GRB10: variants seen among roughly 807,000 people sequenced by gnomAD.
The protein encoded by GRB10 is growth factor receptor bound protein 10.
In GRB10, 20 loss-of-function variants were observed where a neutral mutation model predicts 80.9. The observed-to-expected ratio is 0.25, with a 90% CI of 0.17 to 0.36. GRB10 has a LOEUF of 0.36. Among genes scored for constraint, GRB10 ranks in the 10% least tolerant of loss-of-function variants. The pLI, the probability that GRB10 is intolerant of heterozygous loss-of-function variation, is 1.00. For missense variants in GRB10, 548 were observed against 747.7 expected (o/e 0.73, Z 3.12); for synonymous variants, 291 against 291.5 (o/e 1.00, Z 0.02).
At chr7:50,627,650 G>A (rs904913227) in intron 7 of GRB10, among the ~76,000 whole-genome samples, 4 of 152,224 alleles carry the variant, frequency 2.6e-5, no homozygotes, top group African/African-American at 9.6e-5. Context: ...AGCAGCTCCA[G>A]GCCAAGGGAT....
chr7:50,660,271 G>A (rs1259830873), intron 7 of GRB10, among the ~76,000 whole-genome samples: 1 of 152,162 alleles, frequency 6.6e-6, no homozygotes, highest in Non-Finnish European at 1.5e-5. Context: ...GGAAGTGGGG[G>A]TGCAGCCATC....
intron 2 of GRB10, among the ~76,000 whole-genome samples, chr7:50,758,314 A>G (rs1415900478): frequency 6.6e-6 from 1 of 152,226 alleles, no homozygotes; most frequent in Non-Finnish European, 1.5e-5. Context: ...GGGCTCACTC[A>G]GCTATTTCCC....
At chr7:50,723,322 G>C (rs2068053569) in intron 4 of GRB10, among the ~76,000 whole-genome samples, 1 of 152,076 alleles carries the variant, frequency 6.6e-6, no homozygotes, top group Admixed American at 6.5e-5. Flanking sequence ...CTATTACTTG[G>C]GTACATCCTT....
At chr7:50,701,259 T>C (rs2064171244) in intron 5 of GRB10, among the ~76,000 whole-genome samples, 1 of 152,196 alleles carries the variant, frequency 6.6e-6, no homozygotes, top group Admixed American at 6.5e-5. Context: ...ATGTGCCCTG[T>C]TTCCCTAGTA....
intron 3 of GRB10, among the ~76,000 whole-genome samples, chr7:50,750,534 C>T (rs2073944367): frequency 6.6e-6 from 1 of 152,192 alleles, no homozygotes; most frequent in East Asian, 1.9e-4. Flanking sequence ...CACGTTGAGC[C>T]TGCCGAGAGT....
intron 3 of GRB10, among the ~76,000 whole-genome samples, chr7:50,752,363 C>A (rs368304126): frequency 1.3e-4 from 20 of 152,262 alleles, no homozygotes; most frequent in African/African-American, 4.3e-4. Flanking sequence ...CTCTTTCCTA[C>A]GGGAAAGGCT....
chr7:50,775,174 C>CAAAAAA lies in GRB10; in HGVS notation c.-217+5447_-217+5452dup, dbSNP rs1305513693. Among the ~76,000 whole-genome samples, 15 of 71,448 alleles carry CAAAAAA rather than the reference C, an allele frequency of 2.1e-4. 1 individual carries two copies. Among genetic ancestry groups the CAAAAAA allele is most frequent in the African/African-American group, 5.8e-4 (12 of 20,736 alleles). The allele number at this position is 71,448 out of a possible 152,430, so 46.9% of individuals were successfully genotyped here. A position where few individuals can be genotyped will look rare whatever the true frequency, so the allele number is the denominator to read the frequency against. On this transcript the variant is annotated intron_variant, in intron 2 of 18. Coordinates refer to ENST00000401949, the MANE Select transcript of GRB10 (RefSeq NM_001350814.2). ...AGATCCTGTCTCCAAAAAAAAAAAACAAAAAAAAACAGTGGAACAGACAAA... is the reference window on the plus strand; with the variant it reads ...AGATCCTGTCTCCAAAAAAAAAAAACAAAAAAAAAAAAAAACAGTGGAACAGACAAA...
Position 50,595,539 on chromosome 7 carries a change from G to A in GRB10, c.1545-9C>T, listed in dbSNP as rs1172341069. On this transcript the variant is annotated splice_polypyrimidine_tract_variant and intron_variant, in intron 17 of 18. Coordinates refer to ENST00000401949, the MANE Select transcript of GRB10 (RefSeq NM_001350814.2). ...CACGGAGGAGAAAAAGCCTGGGGAA[G>A]GGAAAATAGTTGATTGCTAAAATAT... 13 of 1,534,462 alleles carry A rather than the reference G, an allele frequency of 8.5e-6. No individual in the cohort carries two copies. The highest frequency in any genetic ancestry group is 1.2e-5 in the Non-Finnish European group (13 of 1,108,982).
At position 50,755,924 on chromosome 7, in the gene GRB10, C is replaced by G. The variant is rs907316065; in HGVS notation, c.-84G>C. The G allele has an allele frequency of 2.5e-6, 1 of 398,786 alleles. No individual in the cohort carries two copies. Among genetic ancestry groups the G allele is most frequent in the East Asian group, 3.6e-5 (1 of 28,076 alleles). 24.7% of individuals were successfully genotyped at this position (398,786 alleles called of 1,614,324 possible). A position where few individuals can be genotyped will look rare whatever the true frequency, so the allele number is the denominator to read the frequency against. Reference sequence around the variant, plus strand: ...GGCTCTGTAGCACTGTCTGCTGGGGCGGCCACCCTGGCTTCACTGAGAGGA... The same window carrying G: ...GGCTCTGTAGCACTGTCTGCTGGGGGGGCCACCCTGGCTTCACTGAGAGGA... On this transcript the variant is annotated 5_prime_UTR_variant, in exon 3 of 19. Coordinates refer to ENST00000401949, the MANE Select transcript of GRB10 (RefSeq NM_001350814.2).
intron 5 of GRB10, among the ~76,000 whole-genome samples, chr7:50,694,988 G>A (rs12718819): frequency 0.045 from 6,844 of 152,096 alleles, 222 homozygotes; most frequent in Non-Finnish European, 0.065. Context: ...TCTGCTATTA[G>A]GAAGCCCCCA....
intron 4 of GRB10, among the ~76,000 whole-genome samples, chr7:50,728,592 C>T (rs1345311571): frequency 6.6e-6 from 1 of 152,166 alleles, no homozygotes; most frequent in African/African-American, 2.4e-5. Flanking sequence ...TGTAAAGGGT[C>T]AAACACTACC....
intron 7 of GRB10, among the ~76,000 whole-genome samples, chr7:50,631,623 G>A (rs2054016581): frequency 6.6e-6 from 1 of 152,236 alleles, no homozygotes; most frequent in African/African-American, 2.4e-5. Flanking sequence ...GGCATTCACA[G>A]GGTAAGAGAA....
chr7:50,724,258 T>G (rs540393182), intron 4 of GRB10, among the ~76,000 whole-genome samples: 3 of 152,350 alleles, frequency 2.0e-5, no homozygotes, highest in Non-Finnish European at 4.4e-5. Flanking sequence ...AGGAGCCACC[T>G]GCGGGGAAGA....
intron 8 of GRB10, among the ~76,000 whole-genome samples, chr7:50,619,911 C>A (rs571408182): frequency 6.6e-6 from 1 of 151,836 alleles, no homozygotes; most frequent in African/African-American, 2.4e-5. Context: ...CCTCCAGCAC[C>A]CGCTGTGGAC....
chr7:50,723,561 G>A (rs898017011), intron 4 of GRB10, among the ~76,000 whole-genome samples: 1 of 152,202 alleles, frequency 6.6e-6, no homozygotes, highest in Non-Finnish European at 1.5e-5. Flanking sequence ...AGACGATGAA[G>A]GGTTTTTAGC....
chr7:50,783,806 C>T (rs182318706), upstream of GRB10, among the ~76,000 whole-genome samples: 23 of 152,206 alleles, frequency 1.5e-4, no homozygotes, highest in South Asian at 8.3e-4. Flanking sequence ...AGGGGCAGGG[C>T]GCTGGGAAAA....
intron 11 of GRB10, among the ~76,000 whole-genome samples, chr7:50,616,008 T>A (rs112633117): frequency 0.019 from 2,863 of 152,306 alleles, 54 homozygotes; most frequent in Non-Finnish European, 0.03. Flanking sequence ...AGGCCTGTAT[T>A]ATTTATTACC....
At chr7:50,650,137 A>T (rs2057821382) in intron 7 of GRB10, among the ~76,000 whole-genome samples, 1 of 152,214 alleles carries the variant, frequency 6.6e-6, no homozygotes. Context: ...GAAGGAGCAG[A>T]GAGATGAAGA....
At chr7:50,761,336 A>T (rs1462020139) in intron 2 of GRB10, among the ~76,000 whole-genome samples, 1 of 152,264 alleles carries the variant, frequency 6.6e-6, no homozygotes, top group Non-Finnish European at 1.5e-5. Context: ...ACTTGCTGGA[A>T]CAGATTTTAT....
Sources: allele counts gnomAD v4.1 joint callset (sites outside exome capture counted in the v4.1 genomes callset), GRCh38; gene constraint gnomAD v4.1.1; transcripts MANE v1.5; gene names NCBI Gene and HGNC (gene_info 2026-07-23, HGNC 2026-07-21).